The following CNTNAP5 variants were observed in gnomAD, a reference collection of about 807,000 sequenced individuals.
CNTNAP5 encodes contactin associated protein family member 5, also known as contactin-associated protein-like 5.
In CNTNAP5, 72 loss-of-function variants were observed where a neutral mutation model predicts 150.2. That is an observed-to-expected ratio of 0.48 (90% CI 0.40 to 0.58). The LOEUF is 0.58. Ranked by LOEUF, CNTNAP5 falls within the 20% of genes least tolerant of loss-of-function variation. The pLI, the probability that CNTNAP5 is intolerant of heterozygous loss-of-function variation, is 0.00. For missense variants in CNTNAP5, 1,636 were observed against 1,626.2 expected (o/e 1.01, Z -0.10); for synonymous variants, 672 against 619.8 (o/e 1.08, Z -1.25).
At chr2:124,303,590 T>C (rs939977381) in intron 3 of CNTNAP5, among the ~76,000 whole-genome samples, 13 of 152,302 alleles carry the variant, frequency 8.5e-5, no homozygotes, top group Middle Eastern at 3.4e-3. Context: ...TGAAGTGTAA[T>C]GTAGTTTTCA....
At chr2:124,702,377 T>G (rs1679540109) in intron 13 of CNTNAP5, among the ~76,000 whole-genome samples, 1 of 70,082 alleles carries the variant, frequency 1.4e-5, no homozygotes, top group Non-Finnish European at 3.0e-5. Context: ...TTTTTTTTTT[T>G]TTTTTTTTTT....
rs1678803745 is a variant in CNTNAP5 at position 124,917,997 on chromosome 2, A to G, written c.*3709A>G. On this transcript the variant is annotated 3_prime_UTR_variant, in exon 24 of 24. Coordinates refer to ENST00000682447, the MANE Select transcript of CNTNAP5 (RefSeq NM_001367498.1). ...TTTCTCCTCCTCAAAGTAGATATCT[A>G]TCAATGCATATAGATTTCTGTAGAA... is the stretch of plus-strand genomic sequence containing the variant. Among the ~76,000 whole-genome samples, 1 of 152,076 alleles carries G rather than the reference A, an allele frequency of 6.6e-6. No homozygotes were observed. The highest frequency in any genetic ancestry group is 1.5e-5 in the Non-Finnish European group (1 of 68,004).
At chr2:124,443,081 C>T (rs748851280) in intron 5 of CNTNAP5, among the ~76,000 whole-genome samples, 14 of 152,006 alleles carry the variant, frequency 9.2e-5, no homozygotes, top group African/African-American at 2.7e-4. Flanking sequence ...TAAGAATGAA[C>T]GCTACAAATA....
chr2:124,316,409 C>T (rs911665492), intron 3 of CNTNAP5, among the ~76,000 whole-genome samples: 17 of 152,128 alleles, frequency 1.1e-4, no homozygotes, highest in Non-Finnish European at 7.3e-5. Context: ...ATCTATAATA[C>T]ATAAGTCACA....
intron 13 of CNTNAP5, among the ~76,000 whole-genome samples, chr2:124,687,050 T>C (rs900384385): frequency 2.6e-5 from 4 of 152,032 alleles, no homozygotes; most frequent in Admixed American, 2.6e-4. Flanking sequence ...ACAAGTTGAG[T>C]TGATAGGAGA....
chr2:124,077,271 T>C (rs1682460959), intron 1 of CNTNAP5, among the ~76,000 whole-genome samples: 1 of 152,148 alleles, frequency 6.6e-6, no homozygotes, highest in East Asian at 1.9e-4. Flanking sequence ...TACGTCTCGG[T>C]GTATCCTCCT....
chr2:124,293,280 C>T (rs980607034), intron 3 of CNTNAP5, among the ~76,000 whole-genome samples: 1 of 152,006 alleles, frequency 6.6e-6, no homozygotes, highest in Non-Finnish European at 1.5e-5. Context: ...GGGTATCTCT[C>T]CCTTTGCAAT....
At chr2:124,354,471 A>T (rs185084822) in intron 3 of CNTNAP5, among the ~76,000 whole-genome samples, 1 of 152,334 alleles carries the variant, frequency 6.6e-6, no homozygotes, top group African/African-American at 2.4e-5. Context: ...GCAGGGGCAG[A>T]TATTTTTAGT....
At chr2:124,623,899 G>A (rs919938879) in intron 12 of CNTNAP5, among the ~76,000 whole-genome samples, 2 of 152,220 alleles carry the variant, frequency 1.3e-5, no homozygotes, top group African/African-American at 2.4e-5. Context: ...GGGACAATTT[G>A]CTTTCTGTAA....
At chr2:124,880,997 T>C (rs963155737) in intron 21 of CNTNAP5, among the ~76,000 whole-genome samples, 1 of 152,006 alleles carries the variant, frequency 6.6e-6, no homozygotes, top group Non-Finnish European at 1.5e-5. Flanking sequence ...GATAGTAGGA[T>C]AGAAACAGTA....
At chr2:124,071,162 C>T (rs1682294136) in intron 1 of CNTNAP5, among the ~76,000 whole-genome samples, 1 of 151,698 alleles carries the variant, frequency 6.6e-6, no homozygotes, top group Non-Finnish European at 1.5e-5. Flanking sequence ...GAATACACAG[C>T]ATATCAAAAC....
chr2:124,192,911 C>T (rs1685494037), intron 1 of CNTNAP5, among the ~76,000 whole-genome samples: 2 of 152,164 alleles, frequency 1.3e-5, no homozygotes, highest in Admixed American at 6.5e-5. Flanking sequence ...AAATGTATCT[C>T]ATTTCTGAAT....
chr2:124,156,494 T>G (rs1684551679), intron 1 of CNTNAP5, among the ~76,000 whole-genome samples: 1 of 152,160 alleles, frequency 6.6e-6, no homozygotes. Flanking sequence ...ACATTTTGCC[T>G]ATTTATTTTT....
intron 21 of CNTNAP5, among the ~76,000 whole-genome samples, chr2:124,894,841 C>T (rs1162187084): frequency 6.6e-6 from 1 of 151,498 alleles, no homozygotes; most frequent in African/African-American, 2.4e-5. Flanking sequence ...GAGTGAGCCA[C>T]AGCACCTAGC....
intron 8 of CNTNAP5, among the ~76,000 whole-genome samples, chr2:124,505,318 A>G (rs1042725511): frequency 1.9e-4 from 29 of 152,260 alleles, no homozygotes; most frequent in African/African-American, 5.5e-4. Context: ...TTCCTAAGTG[A>G]TGGAGCTGGG....
intron 19 of CNTNAP5, among the ~76,000 whole-genome samples, chr2:124,852,164 G>A (rs978774219): frequency 1.3e-5 from 2 of 152,260 alleles, no homozygotes; most frequent in African/African-American, 4.8e-5. Context: ...AATTACGGAG[G>A]GTTTGCAATT....
chr2:124,492,546 T>G (rs1483818287), intron 7 of CNTNAP5, among the ~76,000 whole-genome samples: 1 of 152,190 alleles, frequency 6.6e-6, no homozygotes, highest in Non-Finnish European at 1.5e-5. Flanking sequence ...CAGGATTACT[T>G]TGGCTATTTG....
At chr2:124,561,150 G>GTCA (rs1695882872) in intron 10 of CNTNAP5, among the ~76,000 whole-genome samples, 2 of 132,536 alleles carry the variant, frequency 1.5e-5, no homozygotes, top group Non-Finnish European at 3.4e-5. Context: ...GCAAAAGGAG[G>GTCA]TGTGGAAAGG....
chr2:124,029,444 G>GAGC (rs1380153457), intron 1 of CNTNAP5, among the ~76,000 whole-genome samples: 2 of 152,046 alleles, frequency 1.3e-5, no homozygotes, highest in East Asian at 3.9e-4. Flanking sequence ...CAGTACCTAT[G>GAGC]AGCTCTTTTT....
Sources: allele counts gnomAD v4.1 joint callset (sites outside exome capture counted in the v4.1 genomes callset), GRCh38; gene constraint gnomAD v4.1.1; transcripts MANE v1.5; gene names NCBI Gene and HGNC (gene_info 2026-07-23, HGNC 2026-07-21).